C6: variants seen among roughly 807,000 people sequenced by gnomAD.
The protein encoded by C6 is complement component C6.
A neutral mutation model predicts 112.9 loss-of-function variants in C6; 101 were observed. The observed-to-expected ratio is 0.89, with a 90% confidence interval of 0.76 to 1.06. The LOEUF (loss-of-function observed/expected upper bound fraction) is 1.06, where lower values mean the gene tolerates loss of function less well. C6 is among the 50% of genes least tolerant of loss of function. The pLI is 0.00. For missense variants in C6, 1,202 were observed against 1,104.6 expected (o/e 1.09, Z -1.25); for synonymous variants, 431 against 384.1 (o/e 1.12, Z -1.43).
chr5:41,213,731 A>C (rs1479257633), upstream of C6: 1 of 170,762 alleles, frequency 5.9e-6, no homozygotes, highest in Admixed American at 6.5e-5. Context: ...ATTTTAAAGA[A>C]TCCTTTAGAT....
intron 3 of C6, 68 bp from the exon 4 acceptor site, chr5:41,199,980 TG>T: frequency 2.1e-6 from 3 of 1,459,338 alleles, no homozygotes; most frequent in South Asian, 2.3e-5. Flanking sequence ...CTAAGAAAAC[TG>T]GGCTCCTCAA....
chr5:41,147,477 G>A (rs1409535940), intron 17 of C6, among the ~76,000 whole-genome samples: 4 of 152,148 alleles, frequency 2.6e-5, no homozygotes, highest in Admixed American at 1.3e-4. Flanking sequence ...CAAGGGAGCT[G>A]AAGCTTGATA....
At chr5:41,147,217 C>T (rs975214879) in intron 17 of C6, among the ~76,000 whole-genome samples, 15 of 152,088 alleles carry the variant, frequency 9.9e-5, no homozygotes, top group African/African-American at 2.7e-4. Context: ...TTGCAAGAGA[C>T]GTCAGTTGAG....
At chr5:41,196,498 A>AATTTTCTATATCTCGATATAGAAATCTGT (rs1750631767) in intron 4 of C6, among the ~76,000 whole-genome samples, 4 of 151,814 alleles carry the variant, frequency 2.6e-5, no homozygotes, top group Admixed American at 1.3e-4. Flanking sequence ...GGTTTATGGG[A>AATTTTCTATATCTCGATATAGAAATCTGT]ATTTTCTATA....
chr5:41,175,119 G>A (rs921618237), intron 8 of C6, among the ~76,000 whole-genome samples: 1 of 152,150 alleles, frequency 6.6e-6, no homozygotes, highest in Non-Finnish European at 1.5e-5. Context: ...CTCTGTTGGA[G>A]GTGGTCATCC....
intron 7 of C6, among the ~76,000 whole-genome samples, chr5:41,177,469 G>A (rs1748949539): frequency 6.6e-6 from 1 of 151,910 alleles, no homozygotes; most frequent in South Asian, 2.1e-4. Flanking sequence ...AGCCACTGAG[G>A]TTTATAAGTG....
intron 6 of C6, among the ~76,000 whole-genome samples, chr5:41,183,952 G>T (rs934054050): frequency 7.0e-6 from 1 of 143,106 alleles, no homozygotes; most frequent in Non-Finnish European, 1.5e-5. Flanking sequence ...CATAAAGATG[G>T]CAACAACAGA....
At chr5:41,160,404 C>T (rs1250815769) in intron 10 of C6, 37 bp from the exon 11 acceptor site, 1 of 1,523,534 alleles carries the variant, frequency 6.6e-7, no homozygotes, top group Non-Finnish European at 9.1e-7. Context: ...CCAGTCACAT[C>T]CCCTTTGGTA....
At chr5:41,217,607 G>A (rs777192293), upstream of C6, among the ~76,000 whole-genome samples, 2 of 152,102 alleles carry the variant, frequency 1.3e-5, no homozygotes, top group Non-Finnish European at 2.9e-5. Context: ...AATGCATAAT[G>A]ATGATATTAA....
At chr5:41,197,123 T>G (rs916864227) in intron 4 of C6, among the ~76,000 whole-genome samples, 3 of 152,174 alleles carry the variant, frequency 2.0e-5, no homozygotes, top group African/African-American at 7.2e-5. Context: ...TTGAATTAAT[T>G]TTTTTAATTA....
chr5:41,158,839 A>ATG (rs1441593046), intron 12 of C6, 54 bp from the exon 13 acceptor site: 24 of 1,061,328 alleles, frequency 2.3e-5, no homozygotes, highest in Non-Finnish European at 3.5e-5. Context: ...ACACATTTAC[A>ATG]TGTGTGTATA....
intron 5 of C6, among the ~76,000 whole-genome samples, chr5:41,190,274 T>A (rs900761080): frequency 2.0e-5 from 3 of 152,228 alleles, no homozygotes; most frequent in African/African-American, 7.2e-5. Flanking sequence ...CAGCATTTGC[T>A]ATTTTTTTGT....
intron 4 of C6, 62 bp downstream of exon 4, chr5:41,199,706 G>A: frequency 1.3e-6 from 2 of 1,497,372 alleles, no homozygotes; most frequent in Non-Finnish European, 1.9e-6. Context: ...GTCAATTGGA[G>A]TAACTTTGAT....
At chr5:41,214,503 T>C (rs147999317), upstream of C6, among the ~76,000 whole-genome samples, 205 of 152,240 alleles carry the variant, frequency 1.3e-3, 5 homozygotes, top group East Asian at 0.037. Flanking sequence ...CCAGTCTTTT[T>C]TCTCTCTCTT....
At chr5:41,190,634 G>A (rs1265644779) in intron 5 of C6, among the ~76,000 whole-genome samples, 1 of 152,034 alleles carries the variant, frequency 6.6e-6, no homozygotes, top group Non-Finnish European at 1.5e-5. Flanking sequence ...ATTTGCTTTT[G>A]TTGCTTCTGC....
At chr5:41,260,457 CAAAA>C (rs1561212990) in intron 1 of C6, among the ~76,000 whole-genome samples, 44 of 147,446 alleles carry the variant, frequency 3.0e-4, no homozygotes, top group African/African-American at 9.8e-4. Context: ...AACCCCCCCC[CAAAA>C]CAAACAAACA....
intron 13 of C6, among the ~76,000 whole-genome samples, chr5:41,157,063 A>G (rs1441857134): frequency 6.6e-6 from 1 of 152,184 alleles, no homozygotes; most frequent in South Asian, 2.1e-4. Context: ...ATTTGAATCT[A>G]TACAAGGGGC....
intron 1 of C6, among the ~76,000 whole-genome samples, chr5:41,232,800 C>A (rs1739991332): frequency 6.6e-6 from 1 of 151,722 alleles, no homozygotes; most frequent in Admixed American, 6.6e-5. Context: ...TTCATAGCAC[C>A]TTATTTTTTG....
intron 4 of C6, among the ~76,000 whole-genome samples, chr5:41,197,194 A>G (rs1447881506): frequency 1.3e-5 from 2 of 152,132 alleles, no homozygotes; most frequent in Non-Finnish European, 2.9e-5. Flanking sequence ...CTTCACTTAG[A>G]AGGTAGAGTG....
Sources: gnomAD v4.1 joint callset for allele counts (sites outside exome capture counted in the v4.1 genomes callset) on GRCh38, gnomAD v4.1.1 for gene constraint, MANE v1.5 for transcripts, NCBI Gene and HGNC (gene_info 2026-07-23, HGNC 2026-07-21) for gene names.